SMAD3: variants seen among roughly 807,000 people sequenced by gnomAD.
SMAD3 encodes MAD homolog 3.
A neutral mutation model predicts 51.8 loss-of-function variants in SMAD3; 12 were observed. The observed-to-expected ratio is 0.23, with a 90% CI of 0.15 to 0.38. The LOEUF is 0.38. SMAD3 is among the 10% of genes least tolerant of loss of function. The pLI, the probability that SMAD3 is intolerant of heterozygous loss-of-function variation, is 1.00. For missense variants in SMAD3, 294 were observed against 565.6 expected (o/e 0.52, Z 4.87); for synonymous variants, 238 against 227.7 (o/e 1.05, Z -0.41).
In SMAD3 at chr15:67,184,839, G is replaced by C. The variant is rs150994304; in HGVS notation, c.984G>C (p.Pro328=). The C allele has an allele frequency of 6.2e-7, 1 of 1,613,278 alleles. No homozygotes were observed. The highest frequency in any genetic ancestry group is 8.5e-7 in the Non-Finnish European group (1 of 1,180,038). Reference sequence around the variant, plus strand: ...GTAACCAGCGCTATGGCTGGCACCCGGCCACCGTCTGCAAGATCCCACCAG... The same window carrying C: ...GTAACCAGCGCTATGGCTGGCACCCCGCCACCGTCTGCAAGATCCCACCAG... The part of the protein sequence containing the change: ...PNCNQRYGWH[P]ATVCKIPPGC... The change falls in exon 7 of 9, where the codon CCG becomes CCC. Residue 328 remains proline (P), a synonymous_variant. Coordinates refer to ENST00000327367, the MANE Select transcript of SMAD3 (RefSeq NM_005902.4).
intron 1 of SMAD3, among the ~76,000 whole-genome samples, chr15:67,155,342 C>T (rs1437342164): frequency 6.6e-6 from 1 of 152,202 alleles, no homozygotes; most frequent in Non-Finnish European, 1.5e-5. Flanking sequence ...AATAAGTGAA[C>T]CCCCAAATCA....
intron 1 of SMAD3, among the ~76,000 whole-genome samples, chr15:67,105,120 G>A (rs562786620): frequency 6.6e-6 from 1 of 152,358 alleles, no homozygotes; most frequent in South Asian, 2.1e-4. Flanking sequence ...TCCAAAGAAA[G>A]ATCCCTGGCC....
At chr15:67,101,306 C>T (rs773032058) in intron 1 of SMAD3, among the ~76,000 whole-genome samples, 1 of 152,218 alleles carries the variant, frequency 6.6e-6, no homozygotes, top group Non-Finnish European at 1.5e-5. Flanking sequence ...CTAATTTATG[C>T]TTACTCTACT....
chr15:67,137,706 A>G (rs1219460246), intron 1 of SMAD3, among the ~76,000 whole-genome samples: 1 of 152,102 alleles, frequency 6.6e-6, no homozygotes. Context: ...TTTGGTGGGT[A>G]ATTTTACCTT....
At chr15:67,173,803 G>A (rs987587896) in intron 5 of SMAD3, among the ~76,000 whole-genome samples, 2 of 152,194 alleles carry the variant, frequency 1.3e-5, no homozygotes, top group African/African-American at 4.8e-5. Flanking sequence ...AAATGCTTTC[G>A]AGAAATGGTA....
chr15:67,155,024 G>T (rs980404293), intron 1 of SMAD3, among the ~76,000 whole-genome samples: 2 of 152,212 alleles, frequency 1.3e-5, no homozygotes, highest in Non-Finnish European at 2.9e-5. Context: ...TTCTCACACT[G>T]CAGTAATTTG....
chr15:67,117,989 G>A (rs1406107784), intron 1 of SMAD3, among the ~76,000 whole-genome samples: 1 of 152,238 alleles, frequency 6.6e-6, no homozygotes, highest in Non-Finnish European at 1.5e-5. Context: ...CTACTCAGGA[G>A]GCTAAGACAG....
At chr15:67,100,248 C>A (rs1960721048) in intron 1 of SMAD3, among the ~76,000 whole-genome samples, 1 of 149,684 alleles carries the variant, frequency 6.7e-6, no homozygotes, top group South Asian at 2.1e-4. Context: ...AAACATTGTG[C>A]TGAGTTGAAG....
intron 6 of SMAD3, among the ~76,000 whole-genome samples, chr15:67,184,057 G>T (rs1324259832): frequency 6.6e-6 from 1 of 151,342 alleles, no homozygotes; most frequent in Non-Finnish European, 1.5e-5. Context: ...CACTTACTGT[G>T]TGTCTCACAG....
Position 67,183,031 on chromosome 15 carries a change from ATTTTTTTTT to A in SMAD3, c.871+1590_871+1598del, listed in dbSNP as rs57749736. On this transcript the variant is annotated intron_variant, in intron 6 of 8. Coordinates refer to ENST00000327367, the MANE Select transcript of SMAD3 (RefSeq NM_005902.4). Reference sequence around the variant, plus strand: ...TATATATATATATATATATATATATATTTTTTTTTTTTTTTTTTTTGGAGCGGGGAGACC... The same window carrying A: ...TATATATATATATATATATATATATATTTTTTTTTTTGGAGCGGGGAGACC... Among the ~76,000 whole-genome samples the A allele has an allele frequency of 2.7e-3, 80 of 29,704 alleles. 1 individual carries two copies. Among genetic ancestry groups the A allele is most frequent in the African/African-American group, 0.012 (74 of 6,014 alleles). 19.5% of individuals were successfully genotyped at this position (29,704 alleles called of 152,430 possible). A position where few individuals can be genotyped will look rare whatever the true frequency, so the allele number is the denominator to read the frequency against.
At chr15:67,142,201 C>G (rs933971668) in intron 1 of SMAD3, among the ~76,000 whole-genome samples, 2 of 149,750 alleles carry the variant, frequency 1.3e-5, no homozygotes, top group Admixed American at 6.7e-5. Flanking sequence ...CTCCCCACAC[C>G]CCCCCCACCA....
At chr15:67,083,189 G>A (rs1195837420) in intron 1 of SMAD3, among the ~76,000 whole-genome samples, 1 of 152,384 alleles carries the variant, frequency 6.6e-6, no homozygotes, top group Admixed American at 6.5e-5. Context: ...CCTCAGTTCT[G>A]AAGTTAATGG....
At chr15:67,113,659 C>T (rs1961073186) in intron 1 of SMAD3, among the ~76,000 whole-genome samples, 1 of 152,150 alleles carries the variant, frequency 6.6e-6, no homozygotes, top group South Asian at 2.1e-4. Flanking sequence ...TGACTAATGA[C>T]AAGATTAACA....
intron 1 of SMAD3, among the ~76,000 whole-genome samples, chr15:67,158,515 G>T (rs1401928392): frequency 6.6e-6 from 1 of 152,252 alleles, no homozygotes; most frequent in Non-Finnish European, 1.5e-5. Context: ...GCGGTCGTGT[G>T]CTCACAAGCT....
intron 1 of SMAD3, among the ~76,000 whole-genome samples, chr15:67,074,630 C>G (rs979464882): frequency 6.6e-6 from 1 of 152,158 alleles, no homozygotes. Context: ...AGTGCTTTGC[C>G]GGTAGTTTAG....
chr15:67,163,080 T>A (rs1962474802), intron 1 of SMAD3, among the ~76,000 whole-genome samples: 1 of 151,950 alleles, frequency 6.6e-6, no homozygotes, highest in African/African-American at 2.4e-5. Flanking sequence ...TTCAAGTGAT[T>A]CTCCTGCCTC....
intron 1 of SMAD3, among the ~76,000 whole-genome samples, chr15:67,071,252 C>T (rs1397189715): frequency 6.6e-6 from 1 of 152,206 alleles, no homozygotes. Flanking sequence ...ATGTTGGGAA[C>T]TTTTTGGTAC....
chr15:67,130,264 G>A (rs1346544442), intron 1 of SMAD3, among the ~76,000 whole-genome samples: 1 of 152,174 alleles, frequency 6.6e-6, no homozygotes, highest in East Asian at 1.9e-4. Flanking sequence ...GTTAGAATTT[G>A]GAATAGGGCC....
At chr15:67,123,392 G>A (rs562779412) in intron 1 of SMAD3, among the ~76,000 whole-genome samples, 48 of 152,208 alleles carry the variant, frequency 3.2e-4, no homozygotes, top group Middle Eastern at 6.8e-3. Context: ...CCAGCTACTC[G>A]GGAGGCTAAG....
Sources: gnomAD v4.1 joint callset for allele counts (sites outside exome capture counted in the v4.1 genomes callset) on GRCh38, gnomAD v4.1.1 for gene constraint, MANE v1.5 for transcripts, NCBI Gene and HGNC (gene_info 2026-07-23, HGNC 2026-07-21) for gene names.